The following CPLANE1 variants were observed in gnomAD, a reference collection of about 807,000 sequenced individuals.
The protein encoded by CPLANE1 is ciliogenesis and planar polarity effector complex subunit 1.
A neutral mutation model predicts 362.5 loss-of-function variants in CPLANE1; 263 were observed. The ratio of observed to expected loss-of-function variants is 0.73; its 90% CI spans 0.66 to 0.80. CPLANE1 has a LOEUF of 0.80. CPLANE1 is among the 30% of genes least tolerant of loss of function. The probability of loss-of-function intolerance (pLI) is 0.00; values close to 1 mark genes in which losing one functional copy is unlikely to be tolerated. For missense variants in CPLANE1, 3,461 were observed against 3,793.4 expected, an observed-to-expected ratio of 0.91 and a Z score of 2.30; for synonymous variants, 1,212 against 1,302.6, an observed-to-expected ratio of 0.93 and a Z score of 1.50.
At chr5:37,217,629 A>ATAAG (rs1794394566) in intron 15 of CPLANE1, among the ~76,000 whole-genome samples, 1 of 151,418 alleles carries the variant, frequency 6.6e-6, no homozygotes, top group African/African-American at 2.4e-5. Context: ...AAATAAATAA[A>ATAAG]TAAATAAATA....
intron 33 of CPLANE1, among the ~76,000 whole-genome samples, 168 bp from the exon 34 acceptor site, chr5:37,169,729 T>C (rs1440471170): frequency 6.6e-6 from 1 of 152,084 alleles, no homozygotes; most frequent in Admixed American, 6.5e-5. Flanking sequence ...CAGGACATTA[T>C]TATTTTTTTT....
At chr5:37,166,810 G>A (rs1055467949) in intron 35 of CPLANE1, among the ~76,000 whole-genome samples, 6 of 152,102 alleles carry the variant, frequency 3.9e-5, no homozygotes, top group African/African-American at 1.4e-4. Flanking sequence ...GAATCCTCCA[G>A]TCTATGAATG....
rs1021128745 is a variant in CPLANE1 at position 37,126,260 on chromosome 5, C to G, written c.8793-851G>C. ...TCAAAAAAACAAAAAAATTGTAACA[C>G]AGAGATGACTTCCAACAGCTGCCCT... On this transcript the variant is annotated intron_variant, in intron 46 of 52. Transcript: ENST00000651892. Among the ~76,000 whole-genome samples, 8 of 152,064 alleles carry G rather than the reference C, an allele frequency of 5.3e-5. 1 individual carries two copies. The highest frequency in any genetic ancestry group is 1.9e-4 in the African/African-American group (8 of 41,408).
chr5:37,194,510 C>T (rs764772672), intron 21 of CPLANE1, among the ~76,000 whole-genome samples: 15 of 151,984 alleles, frequency 9.9e-5, no homozygotes, highest in Admixed American at 7.2e-4. Flanking sequence ...CCTTTTGTTA[C>T]GTGAATGAAG....
At chr5:37,145,006 T>A (rs1004930285) in intron 43 of CPLANE1, among the ~76,000 whole-genome samples, 6 of 150,796 alleles carry the variant, frequency 4.0e-5, no homozygotes, top group African/African-American at 1.5e-4. Context: ...TCTAAAATAT[T>A]TGAAAACAGT....
In CPLANE1 at chr5:37,213,585, A is replaced by C. The variant is rs1172167327; in HGVS notation, c.2894T>G (p.Val965Gly). ...LCILPPHHVNVLPPLHIKTEQ... is the reference protein window; with the variant it reads ...LCILPPHHVNGLPPLHIKTEQ... ...TGTTTTAATATGAAGTGGGGGAAGA[A>C]CATTCACATGATGAGGGGGCAAAAT... Residue 965 changes from valine to glycine, a missense_variant, in exon 16 of 53, where the codon GTT becomes GGT. Transcript: ENST00000651892. The C allele has an allele frequency of 6.5e-7, 1 of 1,545,600 alleles. No homozygotes were observed. The highest frequency in any genetic ancestry group is 8.7e-7 in the Non-Finnish European group (1 of 1,143,450).
chr5:37,203,344 T>C (rs993179605), intron 18 of CPLANE1, among the ~76,000 whole-genome samples: 5 of 152,224 alleles, frequency 3.3e-5, no homozygotes, highest in African/African-American at 1.2e-4. Context: ...CTGTGATTCA[T>C]CTATGTTGTC....
intron 44 of CPLANE1, chr5:37,141,685 T>C: frequency 1.0e-6 from 1 of 984,226 alleles, no homozygotes; most frequent in Non-Finnish European, 1.2e-6. Flanking sequence ...AGAAAAAAAA[T>C]ATTTCCAAGC....
At position 37,175,930 on chromosome 5, in the gene CPLANE1, T is replaced by A. The variant is rs762263576; in HGVS notation, c.5957A>T (p.Asp1986Val). The A allele has an allele frequency of 2.5e-6, 4 of 1,613,344 alleles. No homozygotes were observed. The highest frequency in any genetic ancestry group is 1.1e-5 in the South Asian group (1 of 90,976). The change falls in exon 31 of 53, where the codon GAT becomes GTT. Residue 1986 changes from aspartate (D) to valine (V), a missense_variant. By Grantham distance (152) the Asp-to-Val change is radical. Around this residue, in one of 2 missense-constraint regions of CPLANE1, gnomAD observed 3,380 missense variants for 3,666.1 expected, o/e 0.92. Coordinates refer to ENST00000651892, the MANE Select transcript of CPLANE1 (RefSeq NM_001384732.1). ...GHTTPQSMQVDTSSEISSAQI... is the reference protein window; with the variant it reads ...GHTTPQSMQVVTSSEISSAQI... ...TTACCTAGAAATTTCTGAACTCGTA[T>A]CTACTTGCATTGATTGAGGAGTGGT... is the stretch of plus-strand genomic sequence containing the variant.
the CPLANE1 span, chr5:37,085,582 C>T: frequency 1.2e-6 from 1 of 858,494 alleles, no homozygotes; most frequent in East Asian, 2.4e-5. Flanking sequence ...AAGTTCAACA[C>T]TGGTACACTG....
chr5:37,115,588 CTT>C (rs1199956148), intron 50 of CPLANE1, among the ~76,000 whole-genome samples: 2 of 146,144 alleles, frequency 1.4e-5, no homozygotes, highest in South Asian at 4.3e-4. Context: ...AAAACTTAGA[CTT>C]TTATTTCTTT....
At chr5:37,161,263 G>A (rs1776790149) in intron 38 of CPLANE1, among the ~76,000 whole-genome samples, 1 of 152,104 alleles carries the variant, frequency 6.6e-6, no homozygotes, top group African/African-American at 2.4e-5. Context: ...CAAATGTGCT[G>A]GATAGTGAAT....
rs139416305 is a variant in CPLANE1 at position 37,178,902 on chromosome 5, C to T, written c.5820+459G>A. Among the ~76,000 whole-genome samples the T allele has an allele frequency of 8.9e-4, 136 of 152,216 alleles. 1 individual carries two copies. The East Asian group carries it at 0.024, about 27-fold the overall frequency. ...GCCTTCTAAGTAGCTGAGACTACTA[C>T]AGGCGCATGCCACCATGCCTGGCTA... On this transcript the variant is annotated intron_variant, in intron 29 of 52. Transcript: ENST00000651892.
chr5:37,077,116 C>T, the CPLANE1 span, among the ~76,000 whole-genome samples: 1 of 152,084 alleles, frequency 6.6e-6, no homozygotes, highest in Non-Finnish European at 1.5e-5. Context: ...CAGACCTCTG[C>T]TCTAAGGCGA....
chr5:37,187,058 C>G (rs374837662), intron 23 of CPLANE1, among the ~76,000 whole-genome samples: 1,661 of 76,726 alleles, frequency 0.022, 46 homozygotes, highest in African/African-American at 0.14. Context: ...GAGACTCCGT[C>G]TCAAAAAAAA....
At chr5:37,082,296 G>A in the CPLANE1 span, among the ~76,000 whole-genome samples, 2 of 152,042 alleles carry the variant, frequency 1.3e-5, no homozygotes, top group Non-Finnish European at 2.9e-5. Flanking sequence ...AATGCAATCT[G>A]TCAAAATTCC....
Position 37,158,282 on chromosome 5 carries a change from G to C in CPLANE1, c.7754C>G (p.Ser2585Cys), listed in dbSNP as rs1217838562. 1.2e-6 allele frequency: 2 copies of C among 1,613,712 alleles called. No individual in the cohort carries two copies. The highest frequency in any genetic ancestry group is 1.7e-6 in the Non-Finnish European group (2 of 1,179,862). Residue 2585 changes from serine (S) to cysteine (C), a missense_variant, in exon 39 of 53, where the codon TCC becomes TGC. Ser to Cys is a moderately radical substitution (Grantham distance 112). Coordinates refer to ENST00000651892, the MANE Select transcript of CPLANE1 (RefSeq NM_001384732.1). ...VPDVYLNLKL[S>C]SEMSEKPWSP... ...CCAAGGTTTCTCTGACATTTCACTGGAAAGCTTCAGATTTAGATAGACATC... is the reference window on the plus strand; with the variant it reads ...CCAAGGTTTCTCTGACATTTCACTGCAAAGCTTCAGATTTAGATAGACATC...
At chr5:37,118,616 T>C (rs1205150951) in intron 50 of CPLANE1, among the ~76,000 whole-genome samples, 2 of 152,190 alleles carry the variant, frequency 1.3e-5, no homozygotes, top group Non-Finnish European at 2.9e-5. Context: ...TTCTCTGACT[T>C]GGTTTCCTTG....
At chr5:37,079,290 C>A in the CPLANE1 span, among the ~76,000 whole-genome samples, 1 of 152,128 alleles carries the variant, frequency 6.6e-6, no homozygotes, top group Admixed American at 6.5e-5. Flanking sequence ...GTTCTCCCAG[C>A]ACCATTGATT....
Sources: gnomAD v4.1 joint callset for allele counts (sites outside exome capture counted in the v4.1 genomes callset) on GRCh38, gnomAD v4.1.1 for gene constraint, gnomAD v4.1.1 regional missense constraint, MANE v1.5 for transcripts, NCBI Gene and HGNC (gene_info 2026-07-23, HGNC 2026-07-21) for gene names.